The following ITPKB variants were observed in gnomAD, a reference collection of about 807,000 sequenced individuals.
The protein encoded by ITPKB is IP3 3-kinase B.
Under a neutral mutation model 69.4 loss-of-function variants are expected in ITPKB, and 13 were observed. The observed-to-expected ratio is 0.19, with a 90% confidence interval of 0.12 to 0.30. The LOEUF (loss-of-function observed/expected upper bound fraction) is 0.30, where lower values mean the gene tolerates loss of function less well. Ranked by LOEUF, ITPKB falls within the 10% of genes least tolerant of loss-of-function variation. The probability of loss-of-function intolerance (pLI) is 1.00; values close to 1 mark genes in which losing one functional copy is unlikely to be tolerated. For missense variants in ITPKB, 1,240 were observed against 1,250.5 expected (o/e 0.99, Z 0.13); for synonymous variants, 584 against 513.7 (o/e 1.14, Z -1.85).
At chr1:226,733,142 G>A (rs1167269366) in intron 2 of ITPKB, among the ~76,000 whole-genome samples, 1 of 152,188 alleles carries the variant, frequency 6.6e-6, no homozygotes, top group African/African-American at 2.4e-5. Flanking sequence ...GAGCATAGGA[G>A]GGTAAGTGTG....
chr1:226,736,537 C>A lies in ITPKB; in HGVS notation c.922G>T (p.Ala308Ser). The change falls in exon 2 of 8, where the codon GCG becomes TCG. Residue 308 changes from alanine to serine, a missense_variant. Physicochemically the swap from Ala to Ser is moderately conservative, Grantham distance 99. This residue lies in a region of ITPKB where 992 missense variants were observed against 853.8 expected (regional missense o/e 1.16). Transcript: ENST00000429204. ...ASLTMATEVA[A>S]RVTSTGPHRP... is the part of the protein sequence containing the mutation. The stretch of plus-strand genomic sequence containing the variant: ...TGTGGCCCAGTGGATGTAACTCTCG[C>A]TGCCACTTCCGTGGCCATCGTTAAG... 6.2e-7 allele frequency: 1 copy of A among 1,613,984 alleles called. No individual in the cohort carries two copies. The highest frequency in any genetic ancestry group is 8.5e-7 in the Non-Finnish European group (1 of 1,180,022).
rs770978086 is a variant in ITPKB at position 226,634,389 on chromosome 1, G to A, written c.*282C>T. On this transcript the variant is annotated 3_prime_UTR_variant, in exon 8 of 8. Coordinates refer to ENST00000429204, the MANE Select transcript of ITPKB (RefSeq NM_002221.4). This position sits in a 1 kb window ranked among gnomAD's most constrained non-coding sequence, Gnocchi z 6.3. ...GGGCTCATCTGGTAGGGTCCCCTCA[G>A]CAGCCAGGGACCCCCTCCAGCTCTA... is the stretch of plus-strand genomic sequence containing the variant. The A allele has an allele frequency of 2.1e-5, 9 of 420,600 alleles. No homozygotes were observed. Among genetic ancestry groups the A allele is most frequent in the Non-Finnish European group, 3.5e-5 (8 of 231,224 alleles). The allele number at this position is 420,600 out of a possible 1,614,324, so 26.1% of individuals were successfully genotyped here.
intron 2 of ITPKB, among the ~76,000 whole-genome samples, chr1:226,673,858 G>C (rs1262711847): frequency 6.6e-6 from 1 of 152,152 alleles, no homozygotes; most frequent in Non-Finnish European, 1.5e-5. Flanking sequence ...GGACACTCCT[G>C]CTACAGAAAG....
chr1:226,669,102 AAG>A (rs1169887307), intron 2 of ITPKB: 2 of 152,296 alleles, frequency 1.3e-5, no homozygotes, highest in Non-Finnish European at 2.9e-5. Context: ...GTTACTATAG[AAG>A]AGGGGAGTAT....
At chr1:226,648,068 G>T (rs1243942409) in intron 3 of ITPKB, among the ~76,000 whole-genome samples, 1 of 152,216 alleles carries the variant, frequency 6.6e-6, no homozygotes, top group Non-Finnish European at 1.5e-5. Flanking sequence ...GGGCTAGATG[G>T]CTCTGGGGCC....
At chr1:226,681,812 A>G (rs573335245) in intron 2 of ITPKB, among the ~76,000 whole-genome samples, 1 of 152,258 alleles carries the variant, frequency 6.6e-6, no homozygotes, top group South Asian at 2.1e-4. Flanking sequence ...AACTCTCCAG[A>G]TGATACCCCT....
chr1:226,701,621 A>AC (rs1553255969), intron 2 of ITPKB, among the ~76,000 whole-genome samples: 2 of 151,398 alleles, frequency 1.3e-5, no homozygotes, highest in African/African-American at 4.8e-5. Flanking sequence ...AAAAAAAAAA[A>AC]AAAAAAAAAA....
rs536975742 is a variant in ITPKB at position 226,713,449 on chromosome 1, G to A, written c.1932+22078C>T. Among the ~76,000 whole-genome samples the A allele has an allele frequency of 9.2e-5, 14 of 152,322 alleles. No individual in the cohort carries two copies. The South Asian group carries it at 1.4e-3, about 16-fold the overall frequency. ...CTCTGTGCCCCCTCTGTCAAGGGGC[G>A]ACAAGGACGGCGTCCTCCCCACAGG... On this transcript the variant is annotated intron_variant, in intron 2 of 7. Coordinates refer to ENST00000429204, the MANE Select transcript of ITPKB (RefSeq NM_002221.4).
rs769903117 is a variant in ITPKB, at chr1:226,737,384, G to C, written c.75C>G (p.Gly25=). The change falls in exon 2 of 8, where the codon GGC becomes GGG. Residue 25 remains glycine, a synonymous_variant. Transcript: ENST00000429204. ...GCGTCTCGCTGCCACTGGGCCCCGGGCCGCCGCCGCTCTTCATCTCGTTGG... is the reference window on the plus strand; with the variant it reads ...GCGTCTCGCTGCCACTGGGCCCCGGCCCGCCGCCGCTCTTCATCTCGTTGG... ...NSANEMKSGG[G]PGPSGSETPP... is the part of the protein sequence containing the mutation. The C allele has an allele frequency of 6.2e-7, 1 of 1,609,636 alleles. No homozygotes were observed. Among genetic ancestry groups the C allele is most frequent in the Non-Finnish European group, 8.5e-7 (1 of 1,179,248 alleles).
chr1:226,702,811 T>C (rs527255620), intron 2 of ITPKB, among the ~76,000 whole-genome samples: 27 of 152,320 alleles, frequency 1.8e-4, no homozygotes, highest in Admixed American at 1.4e-3. Context: ...TAGTGGCTTC[T>C]TGGTCCCCTG....
chr1:226,672,420 C>T (rs1027190353), intron 2 of ITPKB, among the ~76,000 whole-genome samples: 12 of 152,198 alleles, frequency 7.9e-5, no homozygotes, highest in Non-Finnish European at 8.8e-5. Context: ...AGGGAGGATT[C>T]CTGTCAAACA....
At chr1:226,649,845 CAAA>C (rs5781445) in intron 2 of ITPKB, among the ~76,000 whole-genome samples, 37 of 150,326 alleles carry the variant, frequency 2.5e-4, no homozygotes, top group African/African-American at 5.9e-4. Context: ...CAAAACAAAA[CAAA>C]AAAACAAAAA....
rs1324243568 is a variant in ITPKB, at chr1:226,681,175, G to A, written c.1933-32404C>T. Among the ~76,000 whole-genome samples, 6 of 152,164 alleles carry A rather than the reference G, an allele frequency of 3.9e-5. No individual in the cohort carries two copies. In the East Asian group the frequency reaches 1.2e-3, roughly 29 times the overall value. On this transcript the variant is annotated intron_variant, in intron 2 of 7. Coordinates refer to ENST00000429204, the MANE Select transcript of ITPKB (RefSeq NM_002221.4). ...CTGGTGAGAAGACCTAACGTGGGGT[G>A]CTTCTCAGTCCACAGACAGTGTTGC...
At position 226,633,537 on chromosome 1, in the gene ITPKB, G is replaced by C. The variant is rs578102747; in HGVS notation, c.*1134C>G. On this transcript the variant is annotated 3_prime_UTR_variant, in exon 8 of 8. Coordinates refer to ENST00000429204, the MANE Select transcript of ITPKB (RefSeq NM_002221.4). ...GAAGAGGTGCCTGGAGCACGCCCTG[G>C]CATCCACCACATACCCTACAAGATA... 6.6e-6 allele frequency: 1 copy of C among 152,316 alleles called. No homozygotes were observed. Among genetic ancestry groups the C allele is most frequent in the Admixed American group, 6.5e-5 (1 of 15,292 alleles). 9.4% of individuals were successfully genotyped at this position (152,316 alleles called of 1,614,324 possible). A position where few individuals can be genotyped will look rare whatever the true frequency, so the allele number is the denominator to read the frequency against.
chr1:226,640,432 C>T (rs1668934762), intron 5 of ITPKB, among the ~76,000 whole-genome samples: 2 of 152,178 alleles, frequency 1.3e-5, no homozygotes, highest in Admixed American at 1.3e-4. Context: ...ACTGGCAGGA[C>T]CTGGGGCTGA....
At chr1:226,729,554 G>C (rs985072359) in intron 2 of ITPKB, among the ~76,000 whole-genome samples, 1 of 151,314 alleles carries the variant, frequency 6.6e-6, no homozygotes, top group Non-Finnish European at 1.5e-5. Flanking sequence ...GTTAATTATG[G>C]AAGCTATCGA....
chr1:226,691,165 G>C (rs1033625230), intron 2 of ITPKB, among the ~76,000 whole-genome samples: 8 of 151,936 alleles, frequency 5.3e-5, no homozygotes, highest in Non-Finnish European at 1.0e-4. Flanking sequence ...GTGAATGGAT[G>C]TAATGCCACT....
In ITPKB at chr1:226,644,267, G is replaced by T. The variant is rs566701590; in HGVS notation, c.2247-2142C>A. On this transcript the variant is annotated intron_variant, in intron 4 of 7. Coordinates refer to ENST00000429204, the MANE Select transcript of ITPKB (RefSeq NM_002221.4). ...GGCGGGATGCCCACAGGAAGGTGAG[G>T]CTCAGCCCCTCCCCACACTCCCCTG... Among the ~76,000 whole-genome samples the T allele has an allele frequency of 2.0e-5, 3 of 152,322 alleles. No individual in the cohort carries two copies. In the South Asian group the frequency reaches 6.2e-4, roughly 32 times the overall value.
intron 2 of ITPKB, among the ~76,000 whole-genome samples, chr1:226,689,966 G>A (rs1471359971): frequency 3.9e-5 from 6 of 152,172 alleles, no homozygotes; most frequent in African/African-American, 1.2e-4. Flanking sequence ...CTATGGCTGC[G>A]TAGTGTTCAA....
Sources: allele counts gnomAD v4.1 joint callset (sites outside exome capture counted in the v4.1 genomes callset), GRCh38; gene constraint gnomAD v4.1.1; regional missense constraint gnomAD v4.1.1; non-coding constraint Gnocchi (gnomAD v3.1); transcripts MANE v1.5; gene names NCBI Gene and HGNC (gene_info 2026-07-23, HGNC 2026-07-21).